FPR3: variants seen among roughly 807,000 people sequenced by gnomAD.
FPR3 encodes N-formyl peptide receptor 3.
For missense variants in FPR3, 346 were observed against 443.2 expected (o/e 0.78, Z 1.97); for synonymous variants, 135 against 163.6 (o/e 0.83, Z 1.34).
intron 1 of FPR3, among the ~76,000 whole-genome samples, chr19:51,820,581 A>C (rs1161367738): frequency 1.3e-5 from 2 of 152,214 alleles, no homozygotes; most frequent in African/African-American, 2.4e-5. Flanking sequence ...GAATGTGTCA[A>C]CATTTCCAAA....
Position 51,823,925 on chromosome 19 carries a change from C to T in FPR3, c.177C>T (p.Val59=). Residue 59 remains valine (V), a synonymous_variant, in exon 2 of 2, where the codon GTC becomes GTT. Coordinates refer to ENST00000339223, the MANE Select transcript of FPR3 (RefSeq NM_002030.5). ...WVAGFRMTRT[V]NTICYLNLAL... ...CTGGATTCCGGATGACACGCACAGT[C>T]AACACCATCTGTTACCTGAACCTGG... 1 of 1,614,114 alleles carries T rather than the reference C, an allele frequency of 6.2e-7. No individual in the cohort carries two copies. Among genetic ancestry groups the T allele is most frequent in the Non-Finnish European group, 8.5e-7 (1 of 1,180,008 alleles).
At chr19:51,799,067 G>T (rs535950292) in intron 1 of FPR3, among the ~76,000 whole-genome samples, 2 of 152,070 alleles carry the variant, frequency 1.3e-5, no homozygotes, top group African/African-American at 4.8e-5. Context: ...AGATCACACC[G>T]CTGCAGTCCA....
At chr19:51,813,744 C>G (rs1033821505) in intron 1 of FPR3, among the ~76,000 whole-genome samples, 3 of 152,266 alleles carry the variant, frequency 2.0e-5, no homozygotes, top group East Asian at 3.9e-4. Flanking sequence ...CTGTGTTAGC[C>G]AGGATGGACT....
chr19:51,812,513 T>C (rs2084104410), intron 1 of FPR3, among the ~76,000 whole-genome samples: 1 of 152,226 alleles, frequency 6.6e-6, no homozygotes, highest in African/African-American at 2.4e-5. Flanking sequence ...TTGCTCTCAT[T>C]CATTTGGCTA....
chr19:51,812,921 G>C (rs1259042595), intron 1 of FPR3, among the ~76,000 whole-genome samples: 1 of 152,088 alleles, frequency 6.6e-6, no homozygotes, highest in African/African-American at 2.4e-5. Flanking sequence ...ACAAGTTTGA[G>C]ACCAGCCTGG....
At position 51,823,952 on chromosome 19, in the gene FPR3, C is replaced by T; in HGVS notation, c.204C>T (p.Ala68=). ...TVNTICYLNL[A]LADFSFSAIL... ...ACACCATCTGTTACCTGAACCTGGC[C>T]CTAGCTGACTTCTCTTTCAGTGCCA... Residue 68 remains alanine, a synonymous_variant, in exon 2 of 2, where the codon GCC becomes GCT. Transcript: ENST00000339223. 6.2e-7 allele frequency: 1 copy of T among 1,614,026 alleles called. No homozygotes were observed. The highest frequency in any genetic ancestry group is 8.5e-7 in the Non-Finnish European group (1 of 1,179,960).
At chr19:51,799,172 G>A (rs1336440196) in intron 1 of FPR3, among the ~76,000 whole-genome samples, 4 of 152,102 alleles carry the variant, frequency 2.6e-5, no homozygotes, top group East Asian at 1.9e-4. Context: ...TGCCACCCCC[G>A]TCAGCTCTCT....
At chr19:51,810,619 C>G (rs2084089783) in intron 1 of FPR3, among the ~76,000 whole-genome samples, 1 of 152,186 alleles carries the variant, frequency 6.6e-6, no homozygotes, top group African/African-American at 2.4e-5. Flanking sequence ...TCTGTTTAGC[C>G]TGGTCTGCAC....
In FPR3 at chr19:51,824,859, G is replaced by GAA; in HGVS notation, c.*58_*59dup. ...GTCTCTTTCTACCCTGCGTTAAGCG[G>GAA]AAAAAAAAAATTCTGACAGTGTTTT... On this transcript the variant is annotated 3_prime_UTR_variant, in exon 2 of 2. Transcript: ENST00000339223. This position sits in a 1 kb window ranked among gnomAD's most constrained non-coding sequence, Gnocchi z 4.7. 4.4e-6 allele frequency: 6 copies of GAA among 1,352,018 alleles called. No homozygotes were observed. The highest frequency in any genetic ancestry group is 1.5e-5 in the South Asian group (1 of 67,802). The allele number at this position is 1,352,018 out of a possible 1,614,324, so 83.8% of individuals were successfully genotyped here.
rs941355937 is a variant in FPR3 at position 51,823,723 on chromosome 19, T to C, written c.-10-16T>C. On this transcript the variant is annotated splice_polypyrimidine_tract_variant and intron_variant, in intron 1 of 1. Transcript: ENST00000339223. ...GGTGTCACAGCTGAGAAATGGCCATTGCTGAAATGTTTCAGGTGTGGGAAG... is the reference window on the plus strand; with the variant it reads ...GGTGTCACAGCTGAGAAATGGCCATCGCTGAAATGTTTCAGGTGTGGGAAG... 6.5e-7 allele frequency: 1 copy of C among 1,536,654 alleles called. No homozygotes were observed. The highest frequency in any genetic ancestry group is 2.3e-5 in the East Asian group (1 of 44,204).
In FPR3 at chr19:51,806,287, G is replaced by C. The variant is rs59974934; in HGVS notation, c.-11+10956G>C. Among the ~76,000 whole-genome samples the C allele has an allele frequency of 8.7e-3, 1,326 of 152,168 alleles. 20 individuals are homozygous for C. The highest frequency in any genetic ancestry group is 0.03 in the African/African-American group (1,254 of 41,496). ...GCAAGCACCTTGAGGGCACCCACAT[G>C]GCTTGTCAATCTCCTGTAAACACAC... On this transcript the variant is annotated intron_variant, in intron 1 of 1. Coordinates refer to ENST00000339223, the MANE Select transcript of FPR3 (RefSeq NM_002030.5).
At chr19:51,816,966 G>C (rs532016563) in intron 1 of FPR3, among the ~76,000 whole-genome samples, 1 of 152,054 alleles carries the variant, frequency 6.6e-6, no homozygotes, top group Middle Eastern at 3.4e-3. Context: ...TTTTCACCTT[G>C]GTAATTTTTT....
At chr19:51,796,880 T>G (rs1332181333) in intron 1 of FPR3, among the ~76,000 whole-genome samples, 2 of 152,130 alleles carry the variant, frequency 1.3e-5, no homozygotes, top group Non-Finnish European at 2.9e-5. Flanking sequence ...CCACGGCTGA[T>G]AATTTAGATG....
In FPR3 at chr19:51,816,935, G is replaced by A. The variant is rs550982033; in HGVS notation, c.-10-6804G>A. The stretch of plus-strand genomic sequence containing the variant: ...TTTTGCTTAATCATACATCTTTGTT[G>A]TTTATTGTTTTCCTCTCATTTTTTC... On this transcript the variant is annotated intron_variant, in intron 1 of 1. Transcript: ENST00000339223. 2.6e-5 allele frequency among the ~76,000 whole-genome samples: 4 copies of A among 152,224 alleles called. No individual in the cohort carries two copies. In the East Asian group the frequency reaches 7.7e-4, roughly 29 times the overall value.
At chr19:51,822,398 C>T (rs908984569) in intron 1 of FPR3, among the ~76,000 whole-genome samples, 1 of 151,992 alleles carries the variant, frequency 6.6e-6, no homozygotes, top group Non-Finnish European at 1.5e-5. Context: ...AACAAAATTG[C>T]GATTTGATTT....
At chr19:51,816,548 TA>T (rs1315618844) in intron 1 of FPR3, among the ~76,000 whole-genome samples, 2 of 152,208 alleles carry the variant, frequency 1.3e-5, no homozygotes, top group African/African-American at 4.8e-5. Context: ...ATGCCTGGCC[TA>T]AGATGTACTC....
intron 1 of FPR3, among the ~76,000 whole-genome samples, chr19:51,814,344 T>C (rs79142465): frequency 0.026 from 3,905 of 152,332 alleles, 165 homozygotes; most frequent in African/African-American, 0.089. Flanking sequence ...TAATTTTGTC[T>C]ATTAACTAAT....
At chr19:51,818,749 C>A (rs1205684949) in intron 1 of FPR3, among the ~76,000 whole-genome samples, 1 of 152,164 alleles carries the variant, frequency 6.6e-6, no homozygotes, top group African/African-American at 2.4e-5. Context: ...ATGGGTCCAG[C>A]ACAGTGTGTC....
Position 51,825,212 on chromosome 19 carries a change from G to A in FPR3, c.*402G>A, listed in dbSNP as rs575242737. On this transcript the variant is annotated 3_prime_UTR_variant, in exon 2 of 2. Transcript: ENST00000339223. ...GAGAAACATTTATTTCGGCTTGCTG[G>A]TTTATTATAAAAGCAAGGTTTATTA... 1 of 188,650 alleles carries A rather than the reference G, an allele frequency of 5.3e-6. No homozygotes were observed. The highest frequency in any genetic ancestry group is 1.6e-4 in the South Asian group (1 of 6,254). 11.7% of individuals were successfully genotyped at this position (188,650 alleles called of 1,614,324 possible). A position where few individuals can be genotyped will look rare whatever the true frequency, so the allele number is the denominator to read the frequency against.
Sources: allele counts gnomAD v4.1 joint callset (sites outside exome capture counted in the v4.1 genomes callset), GRCh38; gene constraint gnomAD v4.1.1; non-coding constraint Gnocchi (gnomAD v3.1); transcripts MANE v1.5; gene names NCBI Gene and HGNC (gene_info 2026-07-23, HGNC 2026-07-21).